Variants in DCAF7 observed in about 807,000 individuals in gnomAD.
DCAF7 encodes the protein DDB1- and CUL4-associated factor 7.
A neutral mutation model predicts 41.2 loss-of-function variants in DCAF7; 4 were observed. That is an observed-to-expected ratio of 0.10 (90% CI 0.05 to 0.22). The LOEUF is 0.22. DCAF7 is among the 10% of genes least tolerant of loss of function. DCAF7 has a pLI of 1.00. For synonymous variants in DCAF7, 143 were observed against 164.2 expected (o/e 0.87, Z 0.99); for missense variants, 131 against 443.2 (o/e 0.30, Z 6.32).
At chr17:63,583,734 C>T (rs771491491) in intron 5 of DCAF7, 23 bp downstream of exon 5, 1 of 1,610,280 alleles carries the variant, frequency 6.2e-7, no homozygotes, top group African/African-American at 1.3e-5. Flanking sequence ...CTCAGGCTAC[C>T]ATGGGCCCTG....
Position 63,589,255 on chromosome 17 carries a change from T to G in DCAF7, c.*83T>G, listed in dbSNP as rs989365671. 2 of 1,556,046 alleles carry G rather than the reference T, an allele frequency of 1.3e-6. No individual in the cohort carries two copies. ...CCCCCAAAGTAAGAAGAAACATGTT[T>G]CCAGTGGCCAGTATGTCTTTCATTG... On this transcript the variant is annotated 3_prime_UTR_variant, in exon 7 of 7. Coordinates refer to ENST00000614556, the MANE Select transcript of DCAF7 (RefSeq NM_005828.5).
rs2147781672 is a variant in DCAF7 at position 63,591,471 on chromosome 17, G to A, written c.*2299G>A. On this transcript the variant is annotated 3_prime_UTR_variant, in exon 7 of 7. Transcript: ENST00000614556. ...GCCCAGCTCCTGTCATCCTTCCTTA[G>A]GTCCTGCAGTACAGTCTTCCCCTGA... 1 of 152,308 alleles carries A rather than the reference G, an allele frequency of 6.6e-6. No homozygotes were observed. Among genetic ancestry groups the A allele is most frequent in the African/African-American group, 2.4e-5 (1 of 41,538 alleles). The allele number at this position is 152,308 out of a possible 1,614,324, so 9.4% of individuals were successfully genotyped here.
At chr17:63,558,190 C>CTT (rs1209152918) in intron 1 of DCAF7, among the ~76,000 whole-genome samples, 1 of 152,134 alleles carries the variant, frequency 6.6e-6, no homozygotes. Flanking sequence ...CAGAGCCTGG[C>CTT]ATCCCTAGGA....
chr17:63,559,869 A>G (rs1219466669), intron 1 of DCAF7, among the ~76,000 whole-genome samples: 2 of 152,218 alleles, frequency 1.3e-5, no homozygotes, highest in African/African-American at 2.4e-5. Context: ...ACTGTAAAAC[A>G]CGGGAGAATC....
intron 1 of DCAF7, among the ~76,000 whole-genome samples, chr17:63,559,377 GTATATATATGTATA>G (rs2033349934): frequency 8.8e-6 from 1 of 114,170 alleles, no homozygotes; most frequent in African/African-American, 4.2e-5. Flanking sequence ...ATATATATGT[GTATATATATGTATA>G]TATATATGTA....
chr17:63,562,822 C>CTT (rs72028555), intron 1 of DCAF7, among the ~76,000 whole-genome samples: 3 of 141,572 alleles, frequency 2.1e-5, no homozygotes, highest in Non-Finnish European at 1.5e-5. Context: ...AAAATATTTT[C>CTT]TTTTTTTTTT....
At chr17:63,579,529 C>T in intron 3 of DCAF7, 81 bp downstream of exon 3, 1 of 1,050,390 alleles carries the variant, frequency 9.5e-7, no homozygotes. Context: ...GCCATACATC[C>T]TAGAACAAGG....
chr17:63,583,358 T>G (rs1305754733), intron 4 of DCAF7, 144 bp from the exon 5 acceptor site: 2 of 737,884 alleles, frequency 2.7e-6, no homozygotes, highest in Non-Finnish European at 4.8e-6. Context: ...CGGGTTTCAG[T>G]ACTCACAGAC....
At chr17:63,579,672 C>A (rs1464309658) in intron 3 of DCAF7, among the ~76,000 whole-genome samples, 153 bp from the exon 4 acceptor site, 1 of 152,150 alleles carries the variant, frequency 6.6e-6, no homozygotes, top group Non-Finnish European at 1.5e-5. Flanking sequence ...GAAGACTTGA[C>A]TGCCTCGGTG....
rs762310102 is a variant in DCAF7, at chr17:63,579,318, A to T, written c.298-19A>T. ...AGGATAAGACTGGCTGATTTTTTTTAAAATTCTTGTTCCTTCAGGTTGGTG... is the reference window on the plus strand; with the variant it reads ...AGGATAAGACTGGCTGATTTTTTTTTAAATTCTTGTTCCTTCAGGTTGGTG... On this transcript the variant is annotated intron_variant, in intron 2 of 6. Coordinates refer to ENST00000614556, the MANE Select transcript of DCAF7 (RefSeq NM_005828.5). 7.3e-5 allele frequency: 113 copies of T among 1,545,668 alleles called. No homozygotes were observed. The highest frequency in any genetic ancestry group is 4.6e-4 in the East Asian group (20 of 43,140).
rs1136324 is a variant in DCAF7 at position 63,592,322 on chromosome 17, G to A, written c.*3150G>A. The A allele has an allele frequency of 0.034, 5,159 of 151,916 alleles. 120 individuals carry two copies. Among genetic ancestry groups the A allele is most frequent in the Non-Finnish European group, 0.056 (3,805 of 67,976 alleles). 9.4% of individuals were successfully genotyped at this position (151,916 alleles called of 1,614,324 possible). ...TGGGAGGCTGAGGCAGGAGAATGGC[G>A]TGAACCTGGGAGGTGGAGCTTGCAG... On this transcript the variant is annotated 3_prime_UTR_variant, in exon 7 of 7. Coordinates refer to ENST00000614556, the MANE Select transcript of DCAF7 (RefSeq NM_005828.5).
At chr17:63,559,400 T>C (rs2033352201) in intron 1 of DCAF7, among the ~76,000 whole-genome samples, 2 of 64,394 alleles carry the variant, frequency 3.1e-5, no homozygotes, top group Non-Finnish European at 5.8e-5. Context: ...TATATATATG[T>C]ATATATATGT....
At chr17:63,556,656 C>T (rs949664893) in intron 1 of DCAF7, among the ~76,000 whole-genome samples, 2 of 152,066 alleles carry the variant, frequency 1.3e-5, no homozygotes, top group Non-Finnish European at 2.9e-5. Flanking sequence ...ATCACGAGGT[C>T]AGGAGTTTGA....
At chr17:63,570,598 G>A (rs191143667) in intron 1 of DCAF7, among the ~76,000 whole-genome samples, 8 of 152,298 alleles carry the variant, frequency 5.3e-5, no homozygotes, top group Non-Finnish European at 1.0e-4. Context: ...GCATAGTTAG[G>A]TGGTAAGAGT....
In DCAF7 at chr17:63,579,353, C is replaced by T; in HGVS notation, c.314C>T (p.Thr105Ile). The T allele has an allele frequency of 6.2e-7, 1 of 1,603,206 alleles. No homozygotes were observed. Among genetic ancestry groups the T allele is most frequent in the Non-Finnish European group, 8.5e-7 (1 of 1,174,384 alleles). ...LRVWRVGETE[T>I]RLECLLNNNK... ...TTCCTTCAGGTTGGTGAAACAGAGA[C>T]CAGGCTGGAGTGTTTGCTAAACAAT... Residue 105 changes from threonine to isoleucine, a missense_variant, in exon 3 of 7, where the codon ACC becomes ATC. Physicochemically the swap from Thr to Ile is moderately conservative, Grantham distance 89. Transcript: ENST00000614556.
rs183389716 is a variant in DCAF7, at chr17:63,567,512, T to C, written c.139-10958T>C. ...GGACTGTCTATTGTAAGTAGTACAA[T>C]CTTGAAATGTTGAAGAAAACACAAT... On this transcript the variant is annotated intron_variant, in intron 1 of 6. Transcript: ENST00000614556. Among the ~76,000 whole-genome samples, 15 of 152,354 alleles carry C rather than the reference T, an allele frequency of 9.8e-5. No individual in the cohort carries two copies. In the East Asian group the frequency reaches 2.9e-3, roughly 29 times the overall value.
chr17:63,563,862 C>A (rs541260044), intron 1 of DCAF7, among the ~76,000 whole-genome samples: 1 of 151,364 alleles, frequency 6.6e-6, no homozygotes, highest in Non-Finnish European at 1.5e-5. Context: ...AAATAAGTAG[C>A]GGCAAGTAAG....
At chr17:63,574,709 A>C (rs545988770) in intron 1 of DCAF7, among the ~76,000 whole-genome samples, 29 of 152,364 alleles carry the variant, frequency 1.9e-4, no homozygotes, top group Non-Finnish European at 1.2e-4. Context: ...ACAGTGGCTC[A>C]TATGTGTAAG....
chr17:63,567,466 T>C (rs921431223), intron 1 of DCAF7, among the ~76,000 whole-genome samples: 1 of 152,146 alleles, frequency 6.6e-6, no homozygotes, highest in African/African-American at 2.4e-5. Context: ...GGCTGTGTGA[T>C]TAGAACATTC....
Sources: gnomAD v4.1 joint callset for allele counts (sites outside exome capture counted in the v4.1 genomes callset) on GRCh38, gnomAD v4.1.1 for gene constraint, MANE v1.5 for transcripts, NCBI Gene and HGNC (gene_info 2026-07-23, HGNC 2026-07-21) for gene names.